Variants in KIF6 observed in about 807,000 individuals in gnomAD.
The protein encoded by KIF6 is kinesin-like protein KIF6.
Under a neutral mutation model 112.7 loss-of-function variants are expected in KIF6, and 106 were observed. The observed-to-expected ratio is 0.94, with a 90% confidence interval of 0.80 to 1.11. The LOEUF is 1.11. KIF6 is among the 50% of genes least tolerant of loss of function. KIF6 has a pLI of 0.00. For synonymous variants in KIF6, 339 were observed against 339.9 expected, an observed-to-expected ratio of 1.00 and a Z score of 0.03; for missense variants, 929 against 964.0, an observed-to-expected ratio of 0.96 and a Z score of 0.48.
intron 16 of KIF6, among the ~76,000 whole-genome samples, chr6:39,374,511 C>G (rs751917319): frequency 6.6e-6 from 1 of 152,052 alleles, no homozygotes; most frequent in Non-Finnish European, 1.5e-5. Context: ...ATATAATGGA[C>G]TCAAGCAACT....
intron 10 of KIF6, among the ~76,000 whole-genome samples, chr6:39,572,469 G>T (rs150614070): frequency 6.6e-6 from 1 of 152,088 alleles, no homozygotes; most frequent in East Asian, 1.9e-4. Context: ...AGGATTAACT[G>T]CAAGAAGACC....
At chr6:39,688,877 G>C (rs1788018090) in intron 3 of KIF6, among the ~76,000 whole-genome samples, 1 of 152,176 alleles carries the variant, frequency 6.6e-6, no homozygotes, top group Non-Finnish European at 1.5e-5. Flanking sequence ...CACTTTCTTA[G>C]CTCAACACTT....
intron 1 of KIF6, among the ~76,000 whole-genome samples, chr6:39,722,745 A>G (rs1333181828): frequency 1.3e-5 from 2 of 152,164 alleles, no homozygotes; most frequent in Admixed American, 6.5e-5. Context: ...TAAACTGTGG[A>G]GTTTTTAAGG....
At chr6:39,381,528 C>T (rs919663552) in intron 16 of KIF6, among the ~76,000 whole-genome samples, 5 of 152,166 alleles carry the variant, frequency 3.3e-5, no homozygotes, top group Admixed American at 3.3e-4. Flanking sequence ...CTTACCGGAG[C>T]CCTCTGTCCT....
rs907625160 is a variant in KIF6 at position 39,437,342 on chromosome 6, A to G, written c.1646-6181T>C. ...TGATAGTTTGACTTTCTCTTTTCCAATTTGGATAAAAGCAAGGATTTTTGT... is the reference window on the plus strand; with the variant it reads ...TGATAGTTTGACTTTCTCTTTTCCAGTTTGGATAAAAGCAAGGATTTTTGT... On this transcript the variant is annotated intron_variant, in intron 13 of 22. Transcript: ENST00000287152. Among the ~76,000 whole-genome samples, 8 of 152,306 alleles carry G rather than the reference A, an allele frequency of 5.3e-5. No homozygotes were observed. The South Asian group carries it at 6.2e-4, about 12-fold the overall frequency.
At chr6:39,588,338 G>A (rs1006037478) in intron 7 of KIF6, among the ~76,000 whole-genome samples, 1 of 151,924 alleles carries the variant, frequency 6.6e-6, no homozygotes, top group African/African-American at 2.4e-5. Flanking sequence ...CTCAGCCTCC[G>A]GAGTAGCTGG....
chr6:39,566,227 T>C (rs1780266919), intron 10 of KIF6, among the ~76,000 whole-genome samples: 1 of 152,212 alleles, frequency 6.6e-6, no homozygotes, highest in Non-Finnish European at 1.5e-5. Context: ...TTTTAGAAAG[T>C]CTACAATGAG....
At chr6:39,442,593 C>T (rs995699743) in intron 13 of KIF6, among the ~76,000 whole-genome samples, 9 of 152,198 alleles carry the variant, frequency 5.9e-5, no homozygotes. Flanking sequence ...AATAAGACAG[C>T]ACGCTGTGGC....
intron 10 of KIF6, among the ~76,000 whole-genome samples, chr6:39,562,827 A>G (rs185559265): frequency 6.6e-6 from 1 of 152,400 alleles, no homozygotes; most frequent in Non-Finnish European, 1.5e-5. Flanking sequence ...TGATTATAAC[A>G]TGAAAAACAC....
intron 3 of KIF6, among the ~76,000 whole-genome samples, chr6:39,702,699 T>A (rs1306379510): frequency 6.6e-6 from 1 of 152,158 alleles, no homozygotes; most frequent in Non-Finnish European, 1.5e-5. Flanking sequence ...ACCAAGGCAG[T>A]CAGGATCTTT....
chr6:39,415,136 G>A lies in KIF6; in HGVS notation c.1810+4812C>T, dbSNP rs143217933. On this transcript the variant is annotated intron_variant, in intron 15 of 22. Coordinates refer to ENST00000287152, the MANE Select transcript of KIF6 (RefSeq NM_145027.6). Reference sequence around the variant, plus strand: ...CGGGAGGCAGAAGTTGCAGTGACCCGAGATTGCGCTATTGCACTCCAGCCT... The same window carrying A: ...CGGGAGGCAGAAGTTGCAGTGACCCAAGATTGCGCTATTGCACTCCAGCCT... Among the ~76,000 whole-genome samples the A allele has an allele frequency of 2.8e-4, 42 of 152,100 alleles. No individual in the cohort carries two copies. In the Middle Eastern group the frequency reaches 0.01, roughly 37 times the overall value.
At chr6:39,493,851 A>C (rs1775620317) in intron 13 of KIF6, among the ~76,000 whole-genome samples, 5 of 152,208 alleles carry the variant, frequency 3.3e-5, no homozygotes, top group African/African-American at 7.2e-5. Context: ...TTGCAGTAAG[A>C]TGGAGTTCAA....
At chr6:39,455,722 T>C (rs1015264666) in intron 13 of KIF6, among the ~76,000 whole-genome samples, 2 of 151,444 alleles carry the variant, frequency 1.3e-5, no homozygotes, top group African/African-American at 2.4e-5. Context: ...ACGTGAAGAA[T>C]GCAGAAGCCT....
chr6:39,415,301 TAAAA>T (rs5875672), intron 15 of KIF6, among the ~76,000 whole-genome samples: 8 of 89,446 alleles, frequency 8.9e-5, no homozygotes, highest in African/African-American at 2.1e-4. Flanking sequence ...TTTTAAAATG[TAAAA>T]AAAAAAAAAA....
intron 3 of KIF6, among the ~76,000 whole-genome samples, chr6:39,642,430 A>C (rs1394017519): frequency 1.3e-5 from 2 of 152,132 alleles, no homozygotes; most frequent in Non-Finnish European, 2.9e-5. Flanking sequence ...TGTGAAATCC[A>C]GCAGCCTAGC....
intron 3 of KIF6, among the ~76,000 whole-genome samples, chr6:39,698,463 A>C (rs1582474368): frequency 6.6e-6 from 1 of 152,344 alleles, no homozygotes; most frequent in East Asian, 1.9e-4. Context: ...TTGATTGCCA[A>C]AGATTCTAGT....
chr6:39,686,533 T>C (rs1787879353), intron 3 of KIF6, among the ~76,000 whole-genome samples: 1 of 152,180 alleles, frequency 6.6e-6, no homozygotes, highest in Non-Finnish European at 1.5e-5. Context: ...ATTGCTTGTG[T>C]TCACAGATTA....
At chr6:39,670,323 C>T (rs1233912162) in intron 3 of KIF6, among the ~76,000 whole-genome samples, 1 of 152,180 alleles carries the variant, frequency 6.6e-6, no homozygotes, top group Non-Finnish European at 1.5e-5. Context: ...CAAAGATCTG[C>T]ATATAACTTT....
intron 15 of KIF6, among the ~76,000 whole-genome samples, chr6:39,395,130 C>T (rs1019177537): frequency 6.6e-6 from 1 of 152,108 alleles, no homozygotes; most frequent in African/African-American, 2.4e-5. Context: ...TCTGGGAGAC[C>T]CAATTTCTTT....
Sources: allele counts gnomAD v4.1 joint callset (sites outside exome capture counted in the v4.1 genomes callset), GRCh38; gene constraint gnomAD v4.1.1; transcripts MANE v1.5; gene names NCBI Gene and HGNC (gene_info 2026-07-23, HGNC 2026-07-21).